Variants in EFCAB8 observed in about 807,000 individuals in gnomAD.
The protein encoded by EFCAB8 is EF-hand calcium binding domain 8.
A neutral mutation model predicts 116.3 loss-of-function variants in EFCAB8; 100 were observed. That is an observed-to-expected ratio of 0.86 (90% CI 0.73 to 1.02). The LOEUF (loss-of-function observed/expected upper bound fraction) is 1.02, where lower values mean the gene tolerates loss of function less well. EFCAB8 is among the 50% of genes least tolerant of loss of function. EFCAB8 has a pLI of 0.00. For missense variants in EFCAB8, 1,320 were observed against 1,416.9 expected (o/e 0.93, Z 1.10); for synonymous variants, 558 against 567.9 (o/e 0.98, Z 0.25).
At chr20:32,881,771 G>A (rs6058930) in intron 5 of EFCAB8, among the ~76,000 whole-genome samples, 58,922 of 152,014 alleles carry the variant, frequency 0.39, 13,140 homozygotes, top group Middle Eastern at 0.53. Context: ...CCAAACTCGC[G>A]AGCCATTTTT....
intron 22 of EFCAB8, among the ~76,000 whole-genome samples, chr20:32,942,021 T>C (rs1665914243): frequency 6.6e-6 from 1 of 152,228 alleles, no homozygotes; most frequent in South Asian, 2.1e-4. Context: ...TTAAGGCCTT[T>C]AATGTATACT....
chr20:32,939,205 T>TTTC, intron 22 of EFCAB8, among the ~76,000 whole-genome samples: 1 of 91,740 alleles, frequency 1.1e-5, no homozygotes, highest in Non-Finnish European at 2.3e-5. Context: ...CTTTCTTTCC[T>TTTC]CTCTCTCTCT....
At chr20:32,907,681 C>T (rs891163157) in intron 13 of EFCAB8, among the ~76,000 whole-genome samples, 2 of 152,202 alleles carry the variant, frequency 1.3e-5, no homozygotes, top group African/African-American at 4.8e-5. Context: ...TTCCCAGAAG[C>T]CCTGGGAGCT....
Position 32,858,928 on chromosome 20 carries a change from TGAG to T in EFCAB8, c.-88_-86del, listed in dbSNP as rs1376984741. 5.3e-5 allele frequency: 25 copies of T among 470,112 alleles called. No individual in the cohort carries two copies. The East Asian group carries it at 1.7e-3, about 33-fold the overall frequency. The allele number at this position is 470,112 out of a possible 1,614,324, so 29.1% of individuals were successfully genotyped here. On this transcript the variant is annotated 5_prime_UTR_variant, in exon 1 of 27. Transcript: ENST00000400522. ...TGGGAACAGCTGCCAATGTCTTTGTTGAGATGGGAGTTGGAAAGTGTTAGCACT... is the reference window on the plus strand; with the variant it reads ...TGGGAACAGCTGCCAATGTCTTTGTTATGGGAGTTGGAAAGTGTTAGCACT...
At position 32,958,643 on chromosome 20, in the gene EFCAB8, G is replaced by A. The variant is rs1568952345; in HGVS notation, c.3089+93G>A. 5 of 403,934 alleles carry A rather than the reference G, an allele frequency of 1.2e-5. No individual in the cohort carries two copies. The East Asian group carries it at 1.8e-4, about 15-fold the overall frequency. The allele number at this position is 403,934 out of a possible 1,614,324, so 25.0% of individuals were successfully genotyped here. On this transcript the variant is annotated intron_variant, in intron 24 of 26. Coordinates refer to ENST00000400522, the MANE Select transcript of EFCAB8 (RefSeq NM_001143967.2). ...CCTGGGAAGCCTCTACCTGGGTTGG[G>A]TAGAGCTAGGCATGGGTGGGGAGGA...
rs116976597 is a variant in EFCAB8 at position 32,883,252 on chromosome 20, T to C, written c.432-2253T>C. 8.8e-3 allele frequency among the ~76,000 whole-genome samples: 1,343 copies of C among 152,336 alleles called. 8 individuals are homozygous for C. Among genetic ancestry groups the C allele is most frequent in the Non-Finnish European group, 0.016 (1,058 of 68,036 alleles). On this transcript the variant is annotated intron_variant, in intron 5 of 26. Coordinates refer to ENST00000400522, the MANE Select transcript of EFCAB8 (RefSeq NM_001143967.2). ...AAGATAATTTTATATCCTTCAGTCG[T>C]AGGGGTAGCTTCAGTTAATGTCCCA... is the stretch of plus-strand genomic sequence containing the variant.
intron 22 of EFCAB8, among the ~76,000 whole-genome samples, chr20:32,935,663 C>T (rs1294189171): frequency 1.3e-5 from 2 of 152,042 alleles, no homozygotes; most frequent in African/African-American, 4.8e-5. Flanking sequence ...TGCGCCACCA[C>T]GCCCAACTAA....
chr20:32,908,200 C>G (rs1313615638), intron 13 of EFCAB8, 75 bp from the exon 14 acceptor site: 2 of 1,239,082 alleles, frequency 1.6e-6, no homozygotes, highest in Non-Finnish European at 2.0e-6. Flanking sequence ...TCGCCGGAGG[C>G]ACCCCCGAGG....
intron 3 of EFCAB8, among the ~76,000 whole-genome samples, chr20:32,875,080 G>A (rs1984885064): frequency 1.3e-5 from 2 of 152,224 alleles, no homozygotes; most frequent in South Asian, 4.1e-4. Context: ...AGTTTTCTTT[G>A]TCTCAATCCT....
intron 5 of EFCAB8, among the ~76,000 whole-genome samples, chr20:32,883,304 A>G (rs1291089113): frequency 6.6e-6 from 1 of 152,216 alleles, no homozygotes; most frequent in East Asian, 1.9e-4. Flanking sequence ...GCCCCTCAAG[A>G]GGACATTCCC....
intron 22 of EFCAB8, among the ~76,000 whole-genome samples, chr20:32,932,254 G>A (rs552180514): frequency 6.6e-6 from 1 of 152,170 alleles, no homozygotes; most frequent in Non-Finnish European, 1.5e-5. Context: ...GTGCACGCCT[G>A]TAATCCCAGC....
chr20:32,952,738 GGCATCTTTTGA>G (rs1457776389), intron 23 of EFCAB8, among the ~76,000 whole-genome samples: 63 of 152,094 alleles, frequency 4.1e-4, no homozygotes, highest in Non-Finnish European at 1.5e-4. Flanking sequence ...TTTTCCTGAT[GGCATCTTTTGA>G]TGAGCAGAAA....
chr20:32,900,778 C>T (rs1198064100), intron 11 of EFCAB8, among the ~76,000 whole-genome samples: 1 of 152,134 alleles, frequency 6.6e-6, no homozygotes, highest in Non-Finnish European at 1.5e-5. Context: ...CCATGTTGTC[C>T]AGGATGGTCT....
At chr20:32,918,632 A>G in intron 19 of EFCAB8, 58 bp downstream of exon 19, 3 of 1,490,886 alleles carry the variant, frequency 2.0e-6, no homozygotes, top group Non-Finnish European at 2.7e-6. Context: ...CGGCGTTCAC[A>G]CACCGTCTGT....
intron 6 of EFCAB8, 150 bp downstream of exon 6, chr20:32,885,790 T>TCCCACAGTGAAGCCAAG: frequency 1.0e-6 from 1 of 1,002,790 alleles, no homozygotes; most frequent in Non-Finnish European, 1.4e-6. Flanking sequence ...CTGACTTGGC[T>TCCCACAGTGAAGCCAAG]TCACTGTGGG....
chr20:32,943,840 C>A lies in EFCAB8; in HGVS notation c.2959+36C>A, dbSNP rs941901086. On this transcript the variant is annotated intron_variant, in intron 23 of 26. Coordinates refer to ENST00000400522, the MANE Select transcript of EFCAB8 (RefSeq NM_001143967.2). ...TGCTGAAGCTCAGCCATGCCCATGG[C>A]CCTTCTTGTCTCTGTCCCTGTCTGA... is the stretch of plus-strand genomic sequence containing the variant. 3 of 416,492 alleles carry A rather than the reference C, an allele frequency of 7.2e-6. No individual in the cohort carries two copies. The South Asian group carries it at 3.8e-4, about 53-fold the overall frequency. 25.8% of individuals were successfully genotyped at this position (416,492 alleles called of 1,614,324 possible).
chr20:32,860,299 C>T (rs574433248), intron 1 of EFCAB8, among the ~76,000 whole-genome samples: 1 of 150,034 alleles, frequency 6.7e-6, no homozygotes, highest in Non-Finnish European at 1.5e-5. Context: ...GAGTGAGACT[C>T]TCAAAAATAA....
chr20:32,892,102 A>G, intron 7 of EFCAB8, 111 bp from the exon 8 acceptor site: 61 of 912,398 alleles, frequency 6.7e-5, no homozygotes, highest in South Asian at 1.3e-4. Context: ...TGGGGGAAAA[A>G]GGGCTGAAGG....
chr20:32,952,527 T>C (rs1157214118), intron 23 of EFCAB8, among the ~76,000 whole-genome samples: 1 of 152,226 alleles, frequency 6.6e-6, no homozygotes, highest in Admixed American at 6.5e-5. Context: ...TTTTGTACTT[T>C]TGTCAAAAAT....
Sources: allele counts gnomAD v4.1 joint callset (sites outside exome capture counted in the v4.1 genomes callset), GRCh38; gene constraint gnomAD v4.1.1; transcripts MANE v1.5; gene names NCBI Gene and HGNC (gene_info 2026-07-23, HGNC 2026-07-21).